The following ANK3 variants were observed in gnomAD, a reference collection of about 807,000 sequenced individuals.
The protein encoded by ANK3 is ankyrin-3.
In ANK3, 57 loss-of-function variants were observed where a neutral mutation model predicts 370.9. That is an observed-to-expected ratio of 0.15 (90% CI 0.12 to 0.19). The LOEUF is 0.19. ANK3 is among the 10% of genes least tolerant of loss of function. The pLI is 1.00. For missense variants in ANK3, 4,439 were observed against 5,302.1 expected (o/e 0.84, Z 5.06); for synonymous variants, 1,929 against 1,946.3 (o/e 0.99, Z 0.23).
rs143926962 is a variant in ANK3 at position 60,111,400 on chromosome 10, A to C, written c.2949-2346T>G. 1.7e-3 allele frequency among the ~76,000 whole-genome samples: 252 copies of C among 152,338 alleles called. 1 individual carries two copies. Among genetic ancestry groups the C allele is most frequent in the Middle Eastern group, 0.014 (4 of 294 alleles). On this transcript the variant is annotated intron_variant, in intron 26 of 43. Coordinates refer to ENST00000280772, the MANE Select transcript of ANK3 (RefSeq NM_020987.5). Reference sequence around the variant, plus strand: ...GGAAAAGTGGGACTATTCATTAAACAGGACATGGGTCCTATTATTTAATAA... The same window carrying C: ...GGAAAAGTGGGACTATTCATTAAACCGGACATGGGTCCTATTATTTAATAA...
chr10:60,275,667 C>T (rs1228626553), intron 4 of ANK3, among the ~76,000 whole-genome samples: 1 of 152,092 alleles, frequency 6.6e-6, no homozygotes, highest in African/African-American at 2.4e-5. Flanking sequence ...TCCGACTTTC[C>T]CACCATAGGG....
intron 2 of ANK3, among the ~76,000 whole-genome samples, chr10:60,451,410 T>C (rs924513354): frequency 6.6e-6 from 1 of 152,194 alleles, no homozygotes. Flanking sequence ...ACCATTGGCC[T>C]AGAATTTGGT....
rs149635059 is a variant in ANK3 at position 60,269,184 on chromosome 10, T to A, written c.513+947A>T. ...TATTAGCAATAGATATCTGGTGACATGCTTAAGTGATTCCAGTCTTCCATC... is the reference window on the plus strand; with the variant it reads ...TATTAGCAATAGATATCTGGTGACAAGCTTAAGTGATTCCAGTCTTCCATC... On this transcript the variant is annotated intron_variant, in intron 5 of 43. Coordinates refer to ENST00000280772, the MANE Select transcript of ANK3 (RefSeq NM_020987.5). Among the ~76,000 whole-genome samples the A allele has an allele frequency of 3.7e-3, 568 of 152,324 alleles. 5 individuals are homozygous for A. Among genetic ancestry groups the A allele is most frequent in the African/African-American group, 0.013 (540 of 41,580 alleles).
intron 2 of ANK3, among the ~76,000 whole-genome samples, chr10:60,554,040 T>C (rs2077151814): frequency 6.6e-6 from 1 of 152,196 alleles, no homozygotes; most frequent in African/African-American, 2.4e-5. Flanking sequence ...TCATTAAAAG[T>C]TGGCAAGACT....
At chr10:60,634,451 G>T (rs1056396281) in intron 1 of ANK3, among the ~76,000 whole-genome samples, 1 of 152,114 alleles carries the variant, frequency 6.6e-6, no homozygotes, top group South Asian at 2.1e-4. Context: ...CTAGCTAAAG[G>T]ATTGTAAACG....
rs1408638793 is a variant in ANK3 at position 60,072,767 on chromosome 10, T to C, written c.8114A>G (p.Gln2705Arg). 1 of 1,614,138 alleles carries C rather than the reference T, an allele frequency of 6.2e-7. No individual in the cohort carries two copies. The highest frequency in any genetic ancestry group is 2.2e-5 in the East Asian group (1 of 44,890). ...ISQSKAPDGP[Q>R]SGFQLKQSKL... ...AGATTGTTTGAGCTGGAATCCAGAC[T>C]GGGGCCCATCTGGTGCTTTGCTCTG... is the stretch of plus-strand genomic sequence containing the variant. The change falls in exon 37 of 44, where the codon CAG becomes CGG. Residue 2705 changes from glutamine (Q) to arginine (R), a missense_variant. Transcript: ENST00000280772.
At chr10:60,634,151 T>C (rs2078521023) in intron 1 of ANK3, among the ~76,000 whole-genome samples, 1 of 152,228 alleles carries the variant, frequency 6.6e-6, no homozygotes, top group South Asian at 2.1e-4. Context: ...ACCCACAGAA[T>C]AATGTAGAAT....
At chr10:60,156,106 A>C (rs2095320553) in intron 23 of ANK3, among the ~76,000 whole-genome samples, 1 of 152,216 alleles carries the variant, frequency 6.6e-6, no homozygotes, top group Non-Finnish European at 1.5e-5. Flanking sequence ...CAGAGGTGGT[A>C]GACTTCAGTT....
chr10:60,610,518 G>A (rs913162990), intron 2 of ANK3, among the ~76,000 whole-genome samples: 1 of 148,334 alleles, frequency 6.7e-6, no homozygotes, highest in Admixed American at 6.7e-5. Flanking sequence ...AAAAAAAAAT[G>A]CTTCCCGAAT....
intron 1 of ANK3, among the ~76,000 whole-genome samples, chr10:60,332,562 G>A (rs1330457662): frequency 5.3e-5 from 8 of 152,336 alleles, no homozygotes; most frequent in South Asian, 4.1e-4. Context: ...GACACATGGA[G>A]GGGGACAGAA....
At chr10:60,102,980 G>A (rs1394230015) in intron 28 of ANK3, among the ~76,000 whole-genome samples, 2 of 151,576 alleles carry the variant, frequency 1.3e-5, no homozygotes, top group African/African-American at 2.4e-5. Context: ...CTGAGACAAA[G>A]TCTTGCTGTC....
chr10:60,234,914 C>T (rs770622877), intron 7 of ANK3, 128 bp from the exon 8 acceptor site: 2 of 583,594 alleles, frequency 3.4e-6, no homozygotes, highest in Non-Finnish European at 3.1e-6. Context: ...GAACAGTGTG[C>T]TTCCTAATAC....
intron 1 of ANK3, among the ~76,000 whole-genome samples, chr10:60,289,819 A>G (rs1435670354): frequency 6.6e-6 from 1 of 152,178 alleles, no homozygotes; most frequent in Admixed American, 6.5e-5. Context: ...CGGGACTTGA[A>G]CTTTTCAAAA....
chr10:60,544,997 C>T (rs1166210028), intron 2 of ANK3, among the ~76,000 whole-genome samples: 1 of 386 alleles, frequency 2.6e-3, no homozygotes, highest in African/African-American at 0.011. Flanking sequence ...AAGATTGTCC[C>T]TTCTTGATTC....
At chr10:60,077,258 T>A (rs2084048804) in intron 36 of ANK3, among the ~76,000 whole-genome samples, 1 of 152,108 alleles carries the variant, frequency 6.6e-6, no homozygotes, top group African/African-American at 2.4e-5. Context: ...TTCCTTTTGA[T>A]GAGAGGAAAA....
intron 16 of ANK3, among the ~76,000 whole-genome samples, chr10:60,194,386 T>C (rs2096548661): frequency 6.6e-6 from 1 of 152,226 alleles, no homozygotes; most frequent in Non-Finnish European, 1.5e-5. Flanking sequence ...ATTGAGACTC[T>C]ATATCCATTA....
intron 4 of ANK3, among the ~76,000 whole-genome samples, chr10:60,272,186 A>AGT (rs2098002549): frequency 1.3e-5 from 2 of 151,308 alleles, no homozygotes; most frequent in African/African-American, 4.9e-5. Flanking sequence ...CTATGACGCT[A>AGT]TGAGTGAAAT....
At chr10:60,695,783 C>T (rs1054703670) in intron 1 of ANK3, among the ~76,000 whole-genome samples, 1 of 152,140 alleles carries the variant, frequency 6.6e-6, no homozygotes, top group Middle Eastern at 3.2e-3. Context: ...GCACTAAATG[C>T]CCATAGGAGA....
intron 6 of ANK3, among the ~76,000 whole-genome samples, chr10:60,262,164 G>A (rs1384199282): frequency 6.6e-6 from 1 of 152,190 alleles, no homozygotes; most frequent in Non-Finnish European, 1.5e-5. Context: ...AGCCAGGGAG[G>A]AACCAAGGGT....
Sources: allele counts gnomAD v4.1 joint callset (sites outside exome capture counted in the v4.1 genomes callset), GRCh38; gene constraint gnomAD v4.1.1; transcripts MANE v1.5; gene names NCBI Gene and HGNC (gene_info 2026-07-23, HGNC 2026-07-21).